SGCD: variants seen among roughly 807,000 people sequenced by gnomAD.
SGCD encodes the protein sarcoglycan delta, also known as delta-sarcoglycan.
In SGCD, 18 loss-of-function variants were observed where a neutral mutation model predicts 36.6. The ratio of observed to expected loss-of-function variants is 0.49; its 90% CI spans 0.34 to 0.73. The LOEUF (loss-of-function observed/expected upper bound fraction) is 0.73. Among genes scored for constraint, SGCD ranks in the 30% least tolerant of loss-of-function variants. The probability of loss-of-function intolerance (pLI) is 0.01; values close to 1 mark genes in which losing one functional copy is unlikely to be tolerated. For missense variants in SGCD, 387 were observed against 346.7 expected (o/e 1.12, Z -0.92); for synonymous variants, 133 against 130.6 (o/e 1.02, Z -0.12).
At chr5:155,864,967 C>A in the SGCD span, among the ~76,000 whole-genome samples, 1 of 152,124 alleles carries the variant, frequency 6.6e-6, no homozygotes, top group Non-Finnish European at 1.5e-5. Flanking sequence ...CACATTTAAC[C>A]TTCAAAACAA....
intron 3 of SGCD, among the ~76,000 whole-genome samples, chr5:156,191,040 T>C (rs1306818980): frequency 1.3e-5 from 2 of 152,154 alleles, no homozygotes; most frequent in African/African-American, 4.8e-5. Context: ...TTTATTTCAA[T>C]GTAATGGATT....
chr5:156,534,566 C>T (rs533468050), intron 4 of SGCD, among the ~76,000 whole-genome samples: 25 of 152,240 alleles, frequency 1.6e-4, no homozygotes, highest in African/African-American at 5.3e-4. Flanking sequence ...AAATGCTTTC[C>T]GTGGATATCT....
chr5:156,169,857 G>A (rs577149351), intron 3 of SGCD, among the ~76,000 whole-genome samples: 1 of 152,060 alleles, frequency 6.6e-6, no homozygotes, highest in African/African-American at 2.4e-5. Context: ...GAGTTGGTGG[G>A]TTAGTCATGG....
chr5:155,835,665 G>C, the SGCD span, among the ~76,000 whole-genome samples: 3 of 152,176 alleles, frequency 2.0e-5, no homozygotes, highest in Non-Finnish European at 4.4e-5. Flanking sequence ...TTTAGCAAAA[G>C]TATTTGCCAA....
In SGCD at chr5:156,508,619, AG is replaced by A. The variant is rs1414760573; in HGVS notation, c.213del (p.Ile72SerfsTer6). On this transcript the variant is annotated frameshift_variant, in exon 4 of 9. Transcript: ENST00000337851. LOFTEE classifies it high-confidence loss of function. Reference sequence around the variant, plus strand: ...ATTTCAGGATGGAATGGGAAACCTGAGGATCACAGAAAAAGGTCTAAAGCTA... The same window carrying A: ...ATTTCAGGATGGAATGGGAAACCTGAGATCACAGAAAAAGGTCTAAAGCTA... ...NFTIDGMGNL[R>X]ITEKGLKLEG... 2.5e-6 allele frequency: 4 copies of A among 1,609,048 alleles called. No homozygotes were observed.
At chr5:156,349,433 A>C (rs769660340) in intron 3 of SGCD, among the ~76,000 whole-genome samples, 1 of 152,044 alleles carries the variant, frequency 6.6e-6, no homozygotes, top group Non-Finnish European at 1.5e-5. Flanking sequence ...AAAAGTGGGC[A>C]AATGGCATGA....
chr5:156,243,764 A>C (rs1765363465), intron 3 of SGCD, among the ~76,000 whole-genome samples: 1 of 152,216 alleles, frequency 6.6e-6, no homozygotes, highest in South Asian at 2.1e-4. Flanking sequence ...CTTGTTTTGC[A>C]ATAAAGCAAG....
intron 4 of SGCD, among the ~76,000 whole-genome samples, chr5:156,536,984 G>A (rs1373566223): frequency 6.6e-6 from 1 of 152,102 alleles, no homozygotes; most frequent in Non-Finnish European, 1.5e-5. Context: ...TTGGCTTTGT[G>A]ACTTTGTGCC....
At chr5:155,995,721 C>T (rs1222508172) in intron 1 of SGCD, among the ~76,000 whole-genome samples, 5 of 151,982 alleles carry the variant, frequency 3.3e-5, no homozygotes, top group Non-Finnish European at 7.4e-5. Flanking sequence ...TGAGTGAATC[C>T]TATAAATGTA....
chr5:156,348,862 C>T (rs899915394), intron 3 of SGCD, among the ~76,000 whole-genome samples: 1 of 151,990 alleles, frequency 6.6e-6, no homozygotes, highest in Non-Finnish European at 1.5e-5. Flanking sequence ...TACTACAAGG[C>T]TATAGTAACC....
At chr5:155,734,139 TATTA>T in the SGCD span, among the ~76,000 whole-genome samples, 18 of 147,592 alleles carry the variant, frequency 1.2e-4, no homozygotes, top group South Asian at 4.2e-4. Flanking sequence ...ATATTAATTA[TATTA>T]ATTAATAATG....
chr5:156,579,025 T>C lies in SGCD; in HGVS notation c.295-10206T>C, dbSNP rs552423359. 2.6e-3 allele frequency among the ~76,000 whole-genome samples: 391 copies of C among 152,340 alleles called. 2 individuals carry two copies. The highest frequency in any genetic ancestry group is 8.9e-3 in the African/African-American group (368 of 41,578). On this transcript the variant is annotated intron_variant, in intron 4 of 8. Coordinates refer to ENST00000337851, the MANE Select transcript of SGCD (RefSeq NM_000337.6). ...TGTTAGGGTGTCGATTTTAGATCTT[T>C]CCTGCTTTTTCTTGTGGGCATTTAG...
intron 3 of SGCD, among the ~76,000 whole-genome samples, chr5:156,139,621 A>T (rs1762528676): frequency 6.6e-6 from 1 of 152,182 alleles, no homozygotes; most frequent in Non-Finnish European, 1.5e-5. Context: ...TAGTCTGTTG[A>T]AGACCATTTC....
chr5:156,463,656 T>A (rs1338184467), intron 3 of SGCD, among the ~76,000 whole-genome samples: 1 of 152,152 alleles, frequency 6.6e-6, no homozygotes, highest in East Asian at 1.9e-4. Context: ...GTCACTGAAG[T>A]TCTGTCTCCT....
intron 2 of SGCD, among the ~76,000 whole-genome samples, chr5:156,330,157 C>T (rs1192341236): frequency 1.3e-5 from 2 of 151,710 alleles, no homozygotes; most frequent in Non-Finnish European, 2.9e-5. Context: ...ACATGATGCT[C>T]AAAGGAATTA....
intron 1 of SGCD, among the ~76,000 whole-genome samples, chr5:156,018,140 G>A (rs988401081): frequency 2.0e-5 from 3 of 152,190 alleles, no homozygotes; most frequent in South Asian, 2.1e-4. Context: ...TGAGCAACAC[G>A]GTGAGACCCT....
At chr5:156,325,303 A>G (rs1767777999), upstream of SGCD, among the ~76,000 whole-genome samples, 1 of 151,806 alleles carries the variant, frequency 6.6e-6, no homozygotes, top group Admixed American at 6.6e-5. Context: ...TAGAACTCAC[A>G]CTAGATGGGA....
At chr5:156,139,536 G>C (rs1435722253) in intron 3 of SGCD, among the ~76,000 whole-genome samples, 1 of 152,056 alleles carries the variant, frequency 6.6e-6, no homozygotes, top group African/African-American at 2.4e-5. Context: ...GAAATGCTTT[G>C]TCTCTCTGGA....
chr5:155,738,867 G>C, the SGCD span, among the ~76,000 whole-genome samples: 1 of 148,746 alleles, frequency 6.7e-6, no homozygotes, highest in Non-Finnish European at 1.5e-5. Context: ...GAGTGTGTGA[G>C]TGCGTGTGAG....
Sources: gnomAD v4.1 joint callset for allele counts (sites outside exome capture counted in the v4.1 genomes callset) on GRCh38, gnomAD v4.1.1 for gene constraint, MANE v1.5 for transcripts, NCBI Gene and HGNC (gene_info 2026-07-23, HGNC 2026-07-21) for gene names.